Variants in MTMR10 observed in about 807,000 individuals in gnomAD.
MTMR10 encodes the protein myotubularin-related protein 10.
A neutral mutation model predicts 88.1 loss-of-function variants in MTMR10; 56 were observed. That is an observed-to-expected ratio of 0.64 (90% CI 0.51 to 0.79). The LOEUF (loss-of-function observed/expected upper bound fraction) is 0.79. Among genes scored for constraint, MTMR10 ranks in the 30% least tolerant of loss-of-function variants. The pLI, the probability that MTMR10 is intolerant of heterozygous loss-of-function variation, is 0.00. For synonymous variants in MTMR10, 380 were observed against 340.9 expected (o/e 1.11, Z -1.26); for missense variants, 883 against 924.7 (o/e 0.95, Z 0.58).
chr15:30,991,487 G>T lies in MTMR10; in HGVS notation c.20C>A (p.Pro7His). Residue 7 changes from proline (P) to histidine (H), a missense_variant, in exon 1 of 16, where the codon CCC becomes CAC. This residue lies in a region of MTMR10 where 414 missense variants were observed against 423.2 expected (regional missense o/e 0.98). Transcript: ENST00000435680. ...GAGGTAGGACCTGAAGGTGGGTTTG[G>T]GCGGCTTGAGGGAGAACATGGTGCC... MFSLKP[P>H]KPTFRSYLLP... 1 of 1,519,278 alleles carries T rather than the reference G, an allele frequency of 6.6e-7. No homozygotes were observed. The highest frequency in any genetic ancestry group is 1.3e-5 in the South Asian group (1 of 77,504). The allele number at this position is 1,519,278 out of a possible 1,614,324, so 94.1% of individuals were successfully genotyped here.
At position 30,948,210 on chromosome 15, in the gene MTMR10, G is replaced by A. The variant is rs925870835; in HGVS notation, c.1377+92C>T. On this transcript the variant is annotated intron_variant, in intron 13 of 15. Transcript: ENST00000435680. The stretch of plus-strand genomic sequence containing the variant: ...AGGAAATTAAGTTGTACTAAATACA[G>A]TATTTTTTAAAAGCCCCTTCATCTT... 9 of 1,218,430 alleles carry A rather than the reference G, an allele frequency of 7.4e-6. No individual in the cohort carries two copies. In the East Asian group the frequency reaches 2.3e-4, roughly 31 times the overall value. 75.5% of individuals were successfully genotyped at this position (1,218,430 alleles called of 1,614,324 possible). A position where few individuals can be genotyped will look rare whatever the true frequency, so the allele number is the denominator to read the frequency against.
At chr15:30,938,171 G>C (rs531033771), downstream of MTMR10, among the ~76,000 whole-genome samples, 2 of 150,930 alleles carry the variant, frequency 1.3e-5, no homozygotes, top group Admixed American at 6.6e-5. Flanking sequence ...GAGACAGAGC[G>C]AGACTCTGTC....
chr15:30,967,016 G>A (rs934434589), intron 6 of MTMR10, among the ~76,000 whole-genome samples: 1 of 151,786 alleles, frequency 6.6e-6, no homozygotes, highest in African/African-American at 2.4e-5. Context: ...CTTTTATTAT[G>A]CCAGTTATTT....
At chr15:30,976,797 A>G in intron 3 of MTMR10, 22 bp downstream of exon 3, 1 of 1,604,526 alleles carries the variant, frequency 6.2e-7, no homozygotes, top group South Asian at 1.1e-5. Context: ...ATAGAATGAA[A>G]CAGTGTACTA....
In MTMR10 at chr15:30,960,985, A is replaced by G; in HGVS notation, c.654T>C (p.Thr218=). 1.3e-6 allele frequency: 2 copies of G among 1,595,814 alleles called. No homozygotes were observed. The highest frequency in any genetic ancestry group is 1.7e-6 in the Non-Finnish European group (2 of 1,170,096). The change falls in exon 7 of 16, where the codon ACT becomes ACC. Residue 218 remains threonine, a synonymous_variant. Coordinates refer to ENST00000435680, the MANE Select transcript of MTMR10 (RefSeq NM_017762.3). ...NGAGGGSSQK[T]PLFETYSDWD... ...AATCCGAGTAAGTTTCAAAGAGTGG[A>G]GTTTTCTGGCTGCTGCCACCACCAG...
At position 30,951,096 on chromosome 15, in the gene MTMR10, T is replaced by C. The variant is rs549062281; in HGVS notation, c.1207+872A>G. On this transcript the variant is annotated intron_variant, in intron 12 of 15. Coordinates refer to ENST00000435680, the MANE Select transcript of MTMR10 (RefSeq NM_017762.3). ...GACCTACTACTGTATTATACGAAGG[T>C]AGTTTTTAGTCTATTGAACTTTATC... Among the ~76,000 whole-genome samples the C allele has an allele frequency of 3.3e-5, 5 of 152,370 alleles. No homozygotes were observed. The South Asian group carries it at 8.3e-4, about 25-fold the overall frequency.
chr15:30,970,512 T>C (rs904782892), intron 5 of MTMR10, among the ~76,000 whole-genome samples: 2 of 152,162 alleles, frequency 1.3e-5, no homozygotes, highest in African/African-American at 4.8e-5. Flanking sequence ...CGGTGCTCTG[T>C]GTCCAACAGT....
the MTMR10 span, chr15:30,922,300 A>C: frequency 8.6e-4 from 1,384 of 1,614,042 alleles, 4 homozygotes; most frequent in Admixed American, 1.4e-3. Context: ...GCAGAGGCCG[A>C]TGGTGGGATC....
At chr15:30,933,894 C>T in the MTMR10 span, among the ~76,000 whole-genome samples, 2 of 151,976 alleles carry the variant, frequency 1.3e-5, no homozygotes, top group South Asian at 2.1e-4. Flanking sequence ...TTGAGTAGCC[C>T]GAACTATAGG....
chr15:30,954,171 G>A (rs750156919), intron 10 of MTMR10, among the ~76,000 whole-genome samples: 1 of 151,972 alleles, frequency 6.6e-6, no homozygotes, highest in Non-Finnish European at 1.5e-5. Flanking sequence ...CCCCTGCCCC[G>A]CCCCTGCAAG....
chr15:30,938,625 C>T (rs1265013466), downstream of MTMR10, among the ~76,000 whole-genome samples: 1 of 152,122 alleles, frequency 6.6e-6, no homozygotes, highest in Non-Finnish European at 1.5e-5. Context: ...ATGCGCCAGG[C>T]CCGGGAGTCA....
chr15:30,971,702 C>A (rs1361432163), intron 5 of MTMR10, among the ~76,000 whole-genome samples: 1 of 152,118 alleles, frequency 6.6e-6, no homozygotes, highest in East Asian at 1.9e-4. Flanking sequence ...ATAGATAAAT[C>A]ATTAAAAACA....
At chr15:30,964,887 T>C (rs143969787) in intron 6 of MTMR10, among the ~76,000 whole-genome samples, 1 of 152,184 alleles carries the variant, frequency 6.6e-6, no homozygotes. Context: ...AATTGGCCAA[T>C]TGATATCTAG....
At chr15:30,930,609 C>T in the MTMR10 span, 177 of 1,612,774 alleles carry the variant, frequency 1.1e-4, no homozygotes, top group Middle Eastern at 1.7e-4. Context: ...TGCTGACTTT[C>T]GACACTGTCG....
chr15:30,980,402 T>C (rs946238033), intron 2 of MTMR10, among the ~76,000 whole-genome samples: 4 of 152,162 alleles, frequency 2.6e-5, no homozygotes, highest in Non-Finnish European at 5.9e-5. Context: ...AATTTGGAAA[T>C]GAACCCCGAG....
Position 30,975,262 on chromosome 15 carries a change from T to A in MTMR10, c.259-259A>T, listed in dbSNP as rs374567655. ...AAGCATTTGCATGTCTAGATCTGGA[T>A]AAGCTGGCCACAACATATTAAAGAA... is the stretch of plus-strand genomic sequence containing the variant. On this transcript the variant is annotated intron_variant, in intron 3 of 15. Transcript: ENST00000435680. 3.7e-4 allele frequency among the ~76,000 whole-genome samples: 56 copies of A among 152,300 alleles called. 1 individual carries two copies. Among genetic ancestry groups the A allele is most frequent in the African/African-American group, 1.3e-3 (53 of 41,564 alleles).
At chr15:30,951,411 C>A (rs1047350445) in intron 12 of MTMR10, among the ~76,000 whole-genome samples, 1 of 152,134 alleles carries the variant, frequency 6.6e-6, no homozygotes, top group African/African-American at 2.4e-5. Flanking sequence ...GGGGATGGGA[C>A]CCACCCTTCC....
chr15:30,953,479 CTG>C, intron 11 of MTMR10, 81 bp downstream of exon 11: 1 of 1,026,750 alleles, frequency 9.7e-7, no homozygotes. Context: ...ACATGGCCCT[CTG>C]TGCTATTTTT....
chr15:30,987,692 ATT>A (rs201146149), intron 2 of MTMR10, among the ~76,000 whole-genome samples: 2 of 141,698 alleles, frequency 1.4e-5, no homozygotes, highest in African/African-American at 5.0e-5. Context: ...TTTTTTTTTT[ATT>A]TTTTTTTTTA....
Sources: allele counts gnomAD v4.1 joint callset (sites outside exome capture counted in the v4.1 genomes callset), GRCh38; gene constraint gnomAD v4.1.1; regional missense constraint gnomAD v4.1.1; transcripts MANE v1.5; gene names NCBI Gene and HGNC (gene_info 2026-07-23, HGNC 2026-07-21).